The following ST6GALNAC3 variants were observed in gnomAD, a reference collection of about 807,000 sequenced individuals.
ST6GALNAC3 encodes alpha-N-acetylgalactosaminide alpha-2,6-sialyltransferase 3.
A neutral mutation model predicts 32.7 loss-of-function variants in ST6GALNAC3; 25 were observed. The ratio of observed to expected loss-of-function variants is 0.76; its 90% confidence interval spans 0.56 to 1.07. The LOEUF (loss-of-function observed/expected upper bound fraction) is 1.07. Ranked by LOEUF, ST6GALNAC3 falls within the 50% of genes least tolerant of loss-of-function variation. The pLI is 0.00. For missense variants in ST6GALNAC3, 355 were observed against 382.4 expected (o/e 0.93, Z 0.60); for synonymous variants, 129 against 133.1 (o/e 0.97, Z 0.21).
intron 3 of ST6GALNAC3, among the ~76,000 whole-genome samples, chr1:76,605,290 C>T (rs769311103): frequency 8.5e-5 from 13 of 152,122 alleles, no homozygotes; most frequent in Admixed American, 7.2e-4. Flanking sequence ...GAGACAGCTA[C>T]GGAGTCTTGA....
intron 1 of ST6GALNAC3, among the ~76,000 whole-genome samples, chr1:76,287,743 G>A (rs527789157): frequency 3.3e-5 from 5 of 152,324 alleles, no homozygotes; most frequent in Non-Finnish European, 7.4e-5. Context: ...AGTCCATTGG[G>A]TGTGTTTGTT....
intron 2 of ST6GALNAC3, among the ~76,000 whole-genome samples, chr1:76,331,580 C>T (rs1647187063): frequency 6.6e-6 from 1 of 152,128 alleles, no homozygotes; most frequent in African/African-American, 2.4e-5. Context: ...TCATCAGTTC[C>T]TCATCTGACC....
At chr1:76,595,047 A>G (rs1366172260) in intron 3 of ST6GALNAC3, among the ~76,000 whole-genome samples, 1 of 152,182 alleles carries the variant, frequency 6.6e-6, no homozygotes, top group Non-Finnish European at 1.5e-5. Context: ...CTGTTTTGCC[A>G]GGTATGTCCT....
chr1:76,381,107 A>G (rs1651669367), intron 2 of ST6GALNAC3, among the ~76,000 whole-genome samples: 1 of 149,922 alleles, frequency 6.7e-6, no homozygotes, highest in Non-Finnish European at 1.5e-5. Context: ...CCAAACAGGC[A>G]GCTTGGGATT....
At chr1:76,262,119 C>T (rs960707983) in intron 1 of ST6GALNAC3, among the ~76,000 whole-genome samples, 4 of 152,138 alleles carry the variant, frequency 2.6e-5, no homozygotes, top group Admixed American at 6.5e-5. Context: ...ATAATAGGTA[C>T]CATTTATTGA....
intron 1 of ST6GALNAC3, among the ~76,000 whole-genome samples, chr1:76,201,761 C>G (rs1342212232): frequency 6.6e-6 from 1 of 152,058 alleles, no homozygotes; most frequent in Non-Finnish European, 1.5e-5. Context: ...TCGCAGGCCT[C>G]TGCAGAAAGG....
intron 2 of ST6GALNAC3, among the ~76,000 whole-genome samples, chr1:76,360,325 T>A (rs1433392847): frequency 6.6e-6 from 1 of 152,310 alleles, no homozygotes; most frequent in South Asian, 2.1e-4. Flanking sequence ...ACAGCTCTCA[T>A]GTTGTTCTCT....
chr1:76,464,058 C>T (rs1658464818), intron 3 of ST6GALNAC3, among the ~76,000 whole-genome samples: 3 of 152,104 alleles, frequency 2.0e-5, no homozygotes, highest in Admixed American at 1.3e-4. Flanking sequence ...CCCTCCTTTC[C>T]CCTATAGGGT....
chr1:76,176,128 GT>G (rs1271497026), intron 1 of ST6GALNAC3, among the ~76,000 whole-genome samples: 1 of 152,116 alleles, frequency 6.6e-6, no homozygotes, highest in Non-Finnish European at 1.5e-5. Flanking sequence ...GGCTTGAAAA[GT>G]TTTCTAATGC....
At chr1:76,100,476 A>G (rs1647200115) in intron 1 of ST6GALNAC3, among the ~76,000 whole-genome samples, 1 of 152,192 alleles carries the variant, frequency 6.6e-6, no homozygotes, top group African/African-American at 2.4e-5. Flanking sequence ...TAATTCTGCT[A>G]ATGTAATGAA....
chr1:76,273,041 A>T (rs1268530666), intron 1 of ST6GALNAC3, among the ~76,000 whole-genome samples: 1 of 152,180 alleles, frequency 6.6e-6, no homozygotes, highest in Non-Finnish European at 1.5e-5. Flanking sequence ...AATTTTTTTA[A>T]AAATAGCTTT....
intron 1 of ST6GALNAC3, among the ~76,000 whole-genome samples, chr1:76,206,596 C>T (rs987763158): frequency 2.1e-4 from 32 of 151,970 alleles, no homozygotes; most frequent in African/African-American, 5.8e-4. Context: ...GGCATGGTGG[C>T]GGGTGCCTGT....
At chr1:76,567,333 C>A (rs1369399170) in intron 3 of ST6GALNAC3, among the ~76,000 whole-genome samples, 3 of 152,138 alleles carry the variant, frequency 2.0e-5, no homozygotes, top group Admixed American at 6.5e-5. Flanking sequence ...GCAATCACAC[C>A]CTTACTTTTG....
At chr1:76,214,915 A>G (rs1489719243) in intron 1 of ST6GALNAC3, among the ~76,000 whole-genome samples, 1 of 152,166 alleles carries the variant, frequency 6.6e-6, no homozygotes, top group Non-Finnish European at 1.5e-5. Context: ...GCTTTCACTT[A>G]ACCTGTGTAA....
intron 1 of ST6GALNAC3, among the ~76,000 whole-genome samples, chr1:76,285,952 C>G (rs1023020141): frequency 6.6e-6 from 1 of 151,118 alleles, no homozygotes; most frequent in Admixed American, 6.6e-5. Flanking sequence ...AACATCCTGA[C>G]AGATACAGGA....
intron 2 of ST6GALNAC3, among the ~76,000 whole-genome samples, chr1:76,347,080 G>T (rs192310981): frequency 6.7e-6 from 1 of 149,502 alleles, no homozygotes; most frequent in Non-Finnish European, 1.5e-5. Context: ...CCGTCCTAAG[G>T]GTCATCTCAC....
chr1:76,124,393 T>C (rs1441379538), intron 1 of ST6GALNAC3, among the ~76,000 whole-genome samples: 2 of 152,200 alleles, frequency 1.3e-5, no homozygotes, highest in Non-Finnish European at 2.9e-5. Flanking sequence ...TCTTCTTAGA[T>C]GGCATTGACT....
At chr1:76,240,119 T>G (rs1465356294) in intron 1 of ST6GALNAC3, among the ~76,000 whole-genome samples, 1 of 152,154 alleles carries the variant, frequency 6.6e-6, no homozygotes, top group East Asian at 1.9e-4. Context: ...GAAAATTAAA[T>G]AAGATAACAT....
chr1:76,452,402 T>C (rs1657475096), intron 3 of ST6GALNAC3, among the ~76,000 whole-genome samples: 1 of 152,206 alleles, frequency 6.6e-6, no homozygotes, highest in Non-Finnish European at 1.5e-5. Flanking sequence ...TTATCAGCAG[T>C]GTGAAAACAA....
Sources: gnomAD v4.1 joint callset for allele counts (sites outside exome capture counted in the v4.1 genomes callset) on GRCh38, gnomAD v4.1.1 for gene constraint, MANE v1.5 for transcripts, NCBI Gene and HGNC (gene_info 2026-07-23, HGNC 2026-07-21) for gene names.